The following PGCKA1 variants were observed in gnomAD, a reference collection of about 807,000 sequenced individuals.
The protein encoded by PGCKA1 is PDCD10 and GCKIII kinases-associated protein 1.
chr4:37,490,065 A>G, the PGCKA1 span, among the ~76,000 whole-genome samples: 3 of 152,158 alleles, frequency 2.0e-5, no homozygotes, highest in African/African-American at 2.4e-5. Context: ...TCATGAATCA[A>G]TCTAAGATTC....
chr4:37,558,465 G>A, the PGCKA1 span, among the ~76,000 whole-genome samples: 691 of 152,162 alleles, frequency 4.5e-3, 6 homozygotes, highest in African/African-American at 0.015. Flanking sequence ...CCTCACCTGG[G>A]TACTTGTTAG....
At chr4:37,578,706 C>G in the PGCKA1 span, among the ~76,000 whole-genome samples, 22,574 of 151,956 alleles carry the variant, frequency 0.15, 4,595 homozygotes, top group African/African-American at 0.46. Context: ...TAATACTTTT[C>G]TGTATTCATT....
At chr4:37,462,962 CAAA>C in the PGCKA1 span, among the ~76,000 whole-genome samples, 4 of 60,298 alleles carry the variant, frequency 6.6e-5, no homozygotes, top group Non-Finnish European at 9.4e-5. Flanking sequence ...GACTCAGTAT[CAAA>C]AAAAAAAAAA....
chr4:37,556,229 T>A, the PGCKA1 span, among the ~76,000 whole-genome samples: 1 of 151,834 alleles, frequency 6.6e-6, no homozygotes, highest in Non-Finnish European at 1.5e-5. Flanking sequence ...ACTATTAGTT[T>A]TTCTTTTTTA....
chr4:37,570,920 C>T, the PGCKA1 span, among the ~76,000 whole-genome samples: 88 of 152,322 alleles, frequency 5.8e-4, 1 homozygote, highest in Non-Finnish European at 9.4e-4. Context: ...CTCCTGCCTC[C>T]GGCTTGTAGT....
the PGCKA1 span, among the ~76,000 whole-genome samples, chr4:37,561,678 G>C: frequency 6.6e-6 from 1 of 152,172 alleles, no homozygotes; most frequent in Non-Finnish European, 1.5e-5. Flanking sequence ...ATAATTCACT[G>C]TAGTTATGTT....
chr4:37,570,115 G>GACT, the PGCKA1 span, among the ~76,000 whole-genome samples: 1 of 145,094 alleles, frequency 6.9e-6, no homozygotes, highest in Non-Finnish European at 1.5e-5. Flanking sequence ...GAGTAGCTGG[G>GACT]ACTACAGGCG....
the PGCKA1 span, among the ~76,000 whole-genome samples, chr4:37,530,177 C>T: frequency 2.6e-5 from 4 of 152,308 alleles, no homozygotes; most frequent in East Asian, 1.9e-4. Context: ...AATAGACAAC[C>T]TGTGATTCCT....
chr4:37,569,494 C>T, the PGCKA1 span, among the ~76,000 whole-genome samples: 4 of 152,160 alleles, frequency 2.6e-5, no homozygotes, highest in African/African-American at 9.6e-5. Flanking sequence ...CCACCACGCC[C>T]GGCCCCGAGG....
chr4:37,529,121 C>T, the PGCKA1 span, among the ~76,000 whole-genome samples: 2 of 151,804 alleles, frequency 1.3e-5, no homozygotes, highest in Non-Finnish European at 2.9e-5. Flanking sequence ...AGCATGATGA[C>T]ACAGCAGCTA....
the PGCKA1 span, among the ~76,000 whole-genome samples, chr4:37,467,842 G>T: frequency 1.3e-5 from 2 of 152,308 alleles, no homozygotes; most frequent in South Asian, 4.1e-4. Context: ...TGTGAAACAT[G>T]CAGTACAACA....
At chr4:37,555,923 G>A in the PGCKA1 span, among the ~76,000 whole-genome samples, 2 of 149,976 alleles carry the variant, frequency 1.3e-5, no homozygotes, top group South Asian at 4.2e-4. Context: ...TGTTCCCCCT[G>A]AGTCTCCTCC....
At chr4:37,563,083 T>TG in the PGCKA1 span, among the ~76,000 whole-genome samples, 1 of 151,986 alleles carries the variant, frequency 6.6e-6, no homozygotes, top group Non-Finnish European at 1.5e-5. Context: ...TGTAGGTTTT[T>TG]TCTTGTCTTC....
At chr4:37,508,377 A>AGG in the PGCKA1 span, among the ~76,000 whole-genome samples, 4 of 152,154 alleles carry the variant, frequency 2.6e-5, no homozygotes, top group African/African-American at 9.6e-5. Flanking sequence ...TAGATCTCGT[A>AGG]GGTATGCTTC....
At chr4:37,527,608 A>G in the PGCKA1 span, among the ~76,000 whole-genome samples, 76 of 151,822 alleles carry the variant, frequency 5.0e-4, no homozygotes, top group African/African-American at 1.8e-3. Context: ...TCATGAGGTC[A>G]GGAGATTGAG....
At chr4:37,468,358 A>T in the PGCKA1 span, among the ~76,000 whole-genome samples, 858 of 152,258 alleles carry the variant, frequency 5.6e-3, 7 homozygotes, top group African/African-American at 0.02. Context: ...CTGTTCAGTG[A>T]TATAAACCTC....
At chr4:37,510,081 G>A in the PGCKA1 span, among the ~76,000 whole-genome samples, 1 of 152,220 alleles carries the variant, frequency 6.6e-6, no homozygotes, top group Admixed American at 6.5e-5. Flanking sequence ...TAATCTCTTT[G>A]TTAAATTTAT....
chr4:37,531,367 C>T, the PGCKA1 span, among the ~76,000 whole-genome samples: 1 of 152,072 alleles, frequency 6.6e-6, no homozygotes, highest in Non-Finnish European at 1.5e-5. Flanking sequence ...GACTGATTAA[C>T]TCATAGCAGG....
the PGCKA1 span, among the ~76,000 whole-genome samples, chr4:37,554,156 C>G: frequency 6.6e-6 from 1 of 151,680 alleles, no homozygotes; most frequent in Non-Finnish European, 1.5e-5. Context: ...GCACACGCTG[C>G]CTTGCCTCCT....
Sources: allele counts gnomAD v4.1 joint callset (sites outside exome capture counted in the v4.1 genomes callset), GRCh38; gene constraint gnomAD v4.1.1; transcripts MANE v1.5; gene names NCBI Gene and HGNC (gene_info 2026-07-23, HGNC 2026-07-21).